Variants in RABGAP1L observed in about 807,000 individuals in gnomAD.
The protein encoded by RABGAP1L is rab GTPase-activating protein 1-like.
In RABGAP1L, 63 loss-of-function variants were observed where a neutral mutation model predicts 137.7. That is an observed-to-expected ratio of 0.46 (90% confidence interval 0.37 to 0.56). The LOEUF (loss-of-function observed/expected upper bound fraction) is 0.56. RABGAP1L is among the 20% of genes least tolerant of loss of function. RABGAP1L has a pLI of 0.00. For synonymous variants in RABGAP1L, 431 were observed against 433.7 expected, an observed-to-expected ratio of 0.99 and a Z score of 0.08; for missense variants, 1,095 against 1,244.0, an observed-to-expected ratio of 0.88 and a Z score of 1.80.
intron 19 of RABGAP1L, among the ~76,000 whole-genome samples, chr1:174,864,219 T>C (rs1217663318): frequency 6.6e-6 from 1 of 152,196 alleles, no homozygotes; most frequent in Non-Finnish European, 1.5e-5. Flanking sequence ...TGAGTGGTGC[T>C]GTCATTTTGC....
chr1:174,755,605 G>T (rs562927155), intron 18 of RABGAP1L, among the ~76,000 whole-genome samples: 15 of 152,292 alleles, frequency 9.8e-5, no homozygotes, highest in African/African-American at 3.4e-4. Context: ...TCATAATCCT[G>T]TTCCCAGGGA....
intron 17 of RABGAP1L, among the ~76,000 whole-genome samples, chr1:174,722,050 G>C (rs527244207): frequency 8.2e-4 from 125 of 152,200 alleles, no homozygotes; most frequent in African/African-American, 2.9e-3. Context: ...TTCTGCCACA[G>C]CCTCCCTAGT....
intron 18 of RABGAP1L, among the ~76,000 whole-genome samples, chr1:174,783,181 C>T (rs966189303): frequency 2.0e-5 from 3 of 152,192 alleles, no homozygotes. Flanking sequence ...ATTGCCCCTC[C>T]TGATGGGGCT....
intron 19 of RABGAP1L, among the ~76,000 whole-genome samples, chr1:174,863,172 G>A (rs1650535797): frequency 7.5e-6 from 1 of 132,690 alleles, no homozygotes; most frequent in African/African-American, 2.9e-5. Context: ...GGGATTACAG[G>A]GGTGAGCCAC....
chr1:174,898,573 T>C (rs1657621350), intron 19 of RABGAP1L, among the ~76,000 whole-genome samples: 1 of 152,218 alleles, frequency 6.6e-6, no homozygotes, highest in Non-Finnish European at 1.5e-5. Flanking sequence ...TTAACGATGA[T>C]TGACATTCTT....
intron 13 of RABGAP1L, among the ~76,000 whole-genome samples, chr1:174,541,807 T>A (rs1275479830): frequency 6.6e-6 from 1 of 152,172 alleles, no homozygotes; most frequent in East Asian, 1.9e-4. Flanking sequence ...CGTGAAGGGC[T>A]GTTGAATTTT....
chr1:174,195,704 C>CTTT (rs1405571978), intron 1 of RABGAP1L, among the ~76,000 whole-genome samples: 17 of 105,686 alleles, frequency 1.6e-4, no homozygotes, highest in African/African-American at 8.1e-4. Context: ...TTCCTTCTTT[C>CTTT]CTTCTTTCTT....
At chr1:174,732,194 T>A (rs1301927000) in intron 17 of RABGAP1L, among the ~76,000 whole-genome samples, 10 of 102,820 alleles carry the variant, frequency 9.7e-5, no homozygotes, top group Admixed American at 6.5e-4. Flanking sequence ...TGAGACCCCA[T>A]CCCCCCCAAA....
At chr1:174,219,422 T>A (rs1235395453) in intron 2 of RABGAP1L, 127 bp downstream of exon 2, 2 of 626,426 alleles carry the variant, frequency 3.2e-6, no homozygotes, top group African/African-American at 3.8e-5. Flanking sequence ...GTTTGATTTA[T>A]CCAGACCCTA....
intron 13 of RABGAP1L, among the ~76,000 whole-genome samples, chr1:174,502,607 T>G (rs1661405015): frequency 7.6e-6 from 1 of 131,082 alleles, no homozygotes; most frequent in African/African-American, 3.1e-5. Context: ...TGTACATATA[T>G]GTGTGTATAT....
Position 174,802,278 on chromosome 1 carries a change from G to T in RABGAP1L, c.2212-9554G>T, listed in dbSNP as rs935590379. Among the ~76,000 whole-genome samples, 5 of 152,132 alleles carry T rather than the reference G, an allele frequency of 3.3e-5. No homozygotes were observed. The East Asian group carries it at 7.7e-4, about 23-fold the overall frequency. ...CCTTACTTAGGCTCTATCAGTTAGA[G>T]CCTAAGTAATAATGCCACCTGCATT... On this transcript the variant is annotated intron_variant, in intron 18 of 25. Coordinates refer to ENST00000681986, the MANE Select transcript of RABGAP1L (RefSeq NM_001366446.1).
intron 19 of RABGAP1L, among the ~76,000 whole-genome samples, chr1:174,862,249 A>G (rs1650377956): frequency 6.6e-6 from 1 of 152,144 alleles, no homozygotes; most frequent in South Asian, 2.1e-4. Flanking sequence ...AGAGAGATCT[A>G]GTAGTTTCTA....
chr1:174,383,752 G>T (rs1269546971), intron 12 of RABGAP1L, among the ~76,000 whole-genome samples: 1 of 152,158 alleles, frequency 6.6e-6, no homozygotes, highest in Non-Finnish European at 1.5e-5. Context: ...CCCGTCTTCT[G>T]CGTCGCTCAT....
chr1:174,891,608 C>A (rs753993253), intron 19 of RABGAP1L, among the ~76,000 whole-genome samples: 1 of 152,002 alleles, frequency 6.6e-6, no homozygotes, highest in Non-Finnish European at 1.5e-5. Flanking sequence ...CAGGTTTGAT[C>A]CTCCCACCTC....
At chr1:174,494,195 G>A (rs1660541001) in intron 13 of RABGAP1L, among the ~76,000 whole-genome samples, 1 of 152,120 alleles carries the variant, frequency 6.6e-6, no homozygotes, top group South Asian at 2.1e-4. Context: ...TCTGTTGATG[G>A]GCTCCTGCAG....
At chr1:174,715,719 C>T (rs1680946487) in intron 17 of RABGAP1L, among the ~76,000 whole-genome samples, 1 of 152,202 alleles carries the variant, frequency 6.6e-6, no homozygotes, top group African/African-American at 2.4e-5. Context: ...TTAAGAAATC[C>T]TCATTACCTA....
chr1:174,841,453 CTAAAA>C (rs1189976272), intron 19 of RABGAP1L, among the ~76,000 whole-genome samples: 1 of 151,792 alleles, frequency 6.6e-6, no homozygotes, highest in Non-Finnish European at 1.5e-5. Context: ...TGAGATGGAG[CTAAAA>C]TAGAGTTCAG....
intron 18 of RABGAP1L, among the ~76,000 whole-genome samples, chr1:174,755,308 G>A (rs927841804): frequency 6.6e-6 from 1 of 152,126 alleles, no homozygotes; most frequent in Admixed American, 6.6e-5. Context: ...GTGTCCAGTA[G>A]GTAGGTCAGA....
At chr1:174,820,674 A>C (rs1558114631) in intron 19 of RABGAP1L, among the ~76,000 whole-genome samples, 1 of 152,188 alleles carries the variant, frequency 6.6e-6, no homozygotes, top group Non-Finnish European at 1.5e-5. Flanking sequence ...TACCCAAGAT[A>C]AAAAGCATCT....
Sources: gnomAD v4.1 joint callset for allele counts (sites outside exome capture counted in the v4.1 genomes callset) on GRCh38, gnomAD v4.1.1 for gene constraint, MANE v1.5 for transcripts, NCBI Gene and HGNC (gene_info 2026-07-23, HGNC 2026-07-21) for gene names.